The following CIMIP5 variants were observed in gnomAD, a reference collection of about 807,000 sequenced individuals.
The protein encoded by CIMIP5 is ciliary microtubule inner protein 5.
the CIMIP5 span, among the ~76,000 whole-genome samples, chr2:11,141,119 C>T: frequency 1.4e-5 from 2 of 141,144 alleles, no homozygotes; most frequent in Admixed American, 1.6e-4. Context: ...CCCCACAACA[C>T]ACTTTTTTTT....
At chr2:11,152,280 C>T in the CIMIP5 span, among the ~76,000 whole-genome samples, 4 of 152,204 alleles carry the variant, frequency 2.6e-5, no homozygotes, top group African/African-American at 7.2e-5. Flanking sequence ...TTTGTTAGTC[C>T]TACAAAGGCA....
the CIMIP5 span, among the ~76,000 whole-genome samples, chr2:11,148,181 G>C: frequency 6.6e-6 from 1 of 151,262 alleles, no homozygotes; most frequent in Non-Finnish European, 1.5e-5. Context: ...GCAATGGTAC[G>C]ATCTCAGCTC....
At chr2:11,142,478 G>A in the CIMIP5 span, among the ~76,000 whole-genome samples, 5 of 152,208 alleles carry the variant, frequency 3.3e-5, no homozygotes, top group East Asian at 9.7e-4. Context: ...TGTGCATCTG[G>A]TCTGGGCTTC....
At chr2:11,139,627 C>G in the CIMIP5 span, among the ~76,000 whole-genome samples, 1 of 152,192 alleles carries the variant, frequency 6.6e-6, no homozygotes, top group Non-Finnish European at 1.5e-5. Flanking sequence ...CTGAAATGCA[C>G]AGAGGCAGGG....
the CIMIP5 span, chr2:11,140,587 T>A: frequency 2.0e-6 from 3 of 1,466,626 alleles, no homozygotes; most frequent in Non-Finnish European, 2.8e-6. Flanking sequence ...ATACTTGCAA[T>A]TGAATATTAC....
At chr2:11,138,405 T>C in the CIMIP5 span, among the ~76,000 whole-genome samples, 1 of 152,200 alleles carries the variant, frequency 6.6e-6, no homozygotes, top group African/African-American at 2.4e-5. Context: ...AAACGATACA[T>C]ATCAATTTAA....
the CIMIP5 span, among the ~76,000 whole-genome samples, chr2:11,152,306 A>T: frequency 6.6e-6 from 1 of 152,240 alleles, no homozygotes; most frequent in African/African-American, 2.4e-5. Flanking sequence ...GTCCCAAGGC[A>T]CAAAGGTGGT....
the CIMIP5 span, among the ~76,000 whole-genome samples, chr2:11,139,152 AGGT>A: frequency 2.9e-4 from 44 of 152,240 alleles, no homozygotes; most frequent in African/African-American, 1.0e-3. Flanking sequence ...TCCTGACCTC[AGGT>A]GATCCACCCA....
chr2:11,136,034 C>T, the CIMIP5 span, among the ~76,000 whole-genome samples: 1 of 152,160 alleles, frequency 6.6e-6, no homozygotes, highest in Non-Finnish European at 1.5e-5. Context: ...AAATTAACTC[C>T]TTATCAGAAA....
At chr2:11,148,732 C>CTTT in the CIMIP5 span, among the ~76,000 whole-genome samples, 10 of 35,534 alleles carry the variant, frequency 2.8e-4, no homozygotes, top group Admixed American at 5.0e-4. Context: ...AATGAAAACT[C>CTTT]TTTTTTTTTT....
chr2:11,142,625 G>A, the CIMIP5 span, among the ~76,000 whole-genome samples: 3 of 151,998 alleles, frequency 2.0e-5, no homozygotes, highest in East Asian at 5.8e-4. Context: ...TACTTGACAG[G>A]TCATGTCATT....
chr2:11,154,485 G>A, the CIMIP5 span, among the ~76,000 whole-genome samples: 3 of 152,204 alleles, frequency 2.0e-5, no homozygotes, highest in Admixed American at 1.3e-4. Context: ...CACAAAACCA[G>A]GGATCGTGGA....
chr2:11,137,749 A>G, the CIMIP5 span, among the ~76,000 whole-genome samples: 1 of 152,242 alleles, frequency 6.6e-6, no homozygotes, highest in Non-Finnish European at 1.5e-5. Flanking sequence ...TTGGTGAAGG[A>G]AAAGACCAGC....
chr2:11,153,541 C>G, the CIMIP5 span, among the ~76,000 whole-genome samples: 4 of 152,232 alleles, frequency 2.6e-5, no homozygotes, highest in African/African-American at 9.6e-5. Context: ...AGGACCACCT[C>G]CTTGCATCAA....
the CIMIP5 span, among the ~76,000 whole-genome samples, chr2:11,140,086 C>CAAAAAAAAAAAAAAAA: frequency 1.8e-3 from 155 of 84,760 alleles, 3 homozygotes; most frequent in African/African-American, 5.9e-3. Context: ...GACTCCCTCT[C>CAAAAAAAAAAAAAAAA]AAAAAAAAAA....
At chr2:11,138,633 T>C in the CIMIP5 span, among the ~76,000 whole-genome samples, 1 of 152,170 alleles carries the variant, frequency 6.6e-6, no homozygotes, top group Non-Finnish European at 1.5e-5. Flanking sequence ...GGCGATTGGA[T>C]CATGCGGGTG....
At chr2:11,143,338 T>C in the CIMIP5 span, among the ~76,000 whole-genome samples, 2 of 151,718 alleles carry the variant, frequency 1.3e-5, no homozygotes, top group Non-Finnish European at 2.9e-5. Context: ...ATTCCACTAA[T>C]GTAAAGTTCA....
At chr2:11,140,617 A>G in the CIMIP5 span, 1 of 1,266,406 alleles carries the variant, frequency 7.9e-7, no homozygotes, top group Non-Finnish European at 1.1e-6. Flanking sequence ...CCATCATTCA[A>G]CTAACATTTA....
the CIMIP5 span, among the ~76,000 whole-genome samples, chr2:11,139,700 T>G: frequency 6.6e-6 from 1 of 152,240 alleles, no homozygotes; most frequent in Non-Finnish European, 1.5e-5. Flanking sequence ...TTTGTCGTTC[T>G]AGGAAAAGTC....
Sources: allele counts gnomAD v4.1 joint callset (sites outside exome capture counted in the v4.1 genomes callset), GRCh38; gene constraint gnomAD v4.1.1; transcripts MANE v1.5; gene names NCBI Gene and HGNC (gene_info 2026-07-23, HGNC 2026-07-21).